PAWR: variants seen among roughly 807,000 people sequenced by gnomAD.
PAWR encodes the protein pro-apoptotic WT1 regulator, also known as PRKC apoptosis WT1 regulator protein.
Under a neutral mutation model 32.0 loss-of-function variants are expected in PAWR, and 23 were observed. That is an observed-to-expected ratio of 0.72 (90% CI 0.52 to 1.02). The LOEUF (loss-of-function observed/expected upper bound fraction) is 1.02, where lower values mean the gene tolerates loss of function less well. Among genes scored for constraint, PAWR ranks in the 50% least tolerant of loss-of-function variants. PAWR has a pLI of 0.00. For synonymous variants in PAWR, 226 were observed against 187.1 expected (o/e 1.21, Z -1.70); for missense variants, 457 against 437.7 (o/e 1.04, Z -0.39).
At chr12:79,677,630 C>A (rs1490180852) in intron 2 of PAWR, among the ~76,000 whole-genome samples, 1 of 152,086 alleles carries the variant, frequency 6.6e-6, no homozygotes, top group Non-Finnish European at 1.5e-5. Context: ...TATTTTATTT[C>A]AAATTTTCTG....
At chr12:79,679,471 C>T (rs990592294) in intron 2 of PAWR, among the ~76,000 whole-genome samples, 1 of 152,110 alleles carries the variant, frequency 6.6e-6, no homozygotes, top group African/African-American at 2.4e-5. Context: ...GAACAGTCAG[C>T]AGGTGAAAAT....
chr12:79,646,927 C>CA (rs1312410253), intron 2 of PAWR, among the ~76,000 whole-genome samples: 1 of 152,002 alleles, frequency 6.6e-6, no homozygotes, highest in East Asian at 1.9e-4. Context: ...CCTGTAATCC[C>CA]AGCACTTTGG....
chr12:79,654,404 C>T (rs1462934088), intron 2 of PAWR, among the ~76,000 whole-genome samples: 2 of 143,856 alleles, frequency 1.4e-5, no homozygotes, highest in African/African-American at 5.8e-5. Flanking sequence ...TTCTAACACA[C>T]TGGTTCAAAA....
At chr12:79,670,172 A>G (rs1018036812) in intron 2 of PAWR, among the ~76,000 whole-genome samples, 2 of 152,168 alleles carry the variant, frequency 1.3e-5, no homozygotes, top group African/African-American at 4.8e-5. Flanking sequence ...TTTTTCCCCC[A>G]TTTTAAAAAG....
chr12:79,639,868 CTATTCCTATTCCT>C lies in PAWR; in HGVS notation c.517-18674_517-18662del, dbSNP rs1214335315. Among the ~76,000 whole-genome samples, 133 of 104,764 alleles carry C rather than the reference CTATTCCTATTCCT, an allele frequency of 1.3e-3. 1 individual carries two copies. Among genetic ancestry groups the C allele is most frequent in the African/African-American group, 4.9e-3 (90 of 18,342 alleles). The allele number at this position is 104,764 out of a possible 152,430, so 68.7% of individuals were successfully genotyped here. A position where few individuals can be genotyped will look rare whatever the true frequency, so the allele number is the denominator to read the frequency against. ...CCTATTCCTATTCCTATTCCTATTC[CTATTCCTATTCCT>C]ATTCCATTCCATTCCATTCCATTCC... On this transcript the variant is annotated intron_variant, in intron 2 of 6. Transcript: ENST00000328827.
intron 4 of PAWR, among the ~76,000 whole-genome samples, chr12:79,611,695 A>G (rs1174745229): frequency 6.6e-6 from 1 of 152,098 alleles, no homozygotes; most frequent in Non-Finnish European, 1.5e-5. Flanking sequence ...TAAGATATTT[A>G]TAACAATATT....
intron 2 of PAWR, among the ~76,000 whole-genome samples, chr12:79,637,158 G>T (rs1875999686): frequency 6.6e-6 from 1 of 152,034 alleles, no homozygotes. Flanking sequence ...AAGCTTCTTG[G>T]GGAAAGAATT....
At chr12:79,650,714 TAAAAAAAAAA>T (rs34166197) in intron 2 of PAWR, among the ~76,000 whole-genome samples, 1 of 113,056 alleles carries the variant, frequency 8.8e-6, no homozygotes, top group Admixed American at 9.6e-5. Flanking sequence ...TAAAGGTTAT[TAAAAAAAAAA>T]AAAAAAAAAA....
In PAWR at chr12:79,689,616, A is replaced by G. The variant is rs8176807; in HGVS notation, c.516+113T>C. ...TGCCTGCCTAACTCGGTGAAGGGAC[A>G]AGTACGAGCCAGGGGAGGTAAACTC... On this transcript the variant is annotated intron_variant, in intron 2 of 6. Coordinates refer to ENST00000328827, the MANE Select transcript of PAWR (RefSeq NM_002583.4). 2.4e-5 allele frequency: 29 copies of G among 1,186,876 alleles called. 1 individual carries two copies. Among genetic ancestry groups the G allele is most frequent in the Admixed American group, 1.5e-4 (6 of 38,822 alleles). The allele number at this position is 1,186,876 out of a possible 1,614,324, so 73.5% of individuals were successfully genotyped here.
intron 2 of PAWR, among the ~76,000 whole-genome samples, chr12:79,683,464 C>T (rs1484535178): frequency 6.6e-6 from 1 of 152,120 alleles, no homozygotes; most frequent in Admixed American, 6.5e-5. Context: ...GATAACATCC[C>T]TAACCCAGAC....
chr12:79,682,290 T>C lies in PAWR; in HGVS notation c.516+7439A>G, dbSNP rs150252935. ...CCTTAGCTTCTCAAAGTGGTAGCATTAGAGGTGTGAGCTATGGCACCTGGC... is the reference window on the plus strand; with the variant it reads ...CCTTAGCTTCTCAAAGTGGTAGCATCAGAGGTGTGAGCTATGGCACCTGGC... On this transcript the variant is annotated intron_variant, in intron 2 of 6. Transcript: ENST00000328827. Among the ~76,000 whole-genome samples, 19 of 152,214 alleles carry C rather than the reference T, an allele frequency of 1.2e-4. No homozygotes were observed. In the East Asian group the frequency reaches 3.7e-3, roughly 29 times the overall value.
chr12:79,613,974 TATATA>T (rs1440319008), intron 3 of PAWR, among the ~76,000 whole-genome samples: 11 of 9,934 alleles, frequency 1.1e-3, no homozygotes, highest in African/African-American at 5.7e-3. Context: ...TATATATATA[TATATA>T]TTTTTTTTTT....
Position 79,607,423 on chromosome 12 carries a change from C to T in PAWR, c.683+6152G>A, listed in dbSNP as rs137941124. Among the ~76,000 whole-genome samples the T allele has an allele frequency of 4.1e-3, 626 of 152,176 alleles. 12 individuals are homozygous for T. Among genetic ancestry groups the T allele is most frequent in the African/African-American group, 0.014 (592 of 41,550 alleles). The stretch of plus-strand genomic sequence containing the variant: ...GTCGTCTTTAGTTTGGATTTCCCAC[C>T]GTTAAAGAATCTGGCTGATTTCTGG... On this transcript the variant is annotated intron_variant, in intron 4 of 6. Transcript: ENST00000328827.
chr12:79,649,201 T>C lies in PAWR; in HGVS notation c.517-27994A>G, dbSNP rs533868507. ...AAACTCAAGGATTGAACTAATACTT[T>C]GAAGCATCATAAACATGTTTTCCTT... is the stretch of plus-strand genomic sequence containing the variant. On this transcript the variant is annotated intron_variant, in intron 2 of 6. Coordinates refer to ENST00000328827, the MANE Select transcript of PAWR (RefSeq NM_002583.4). 1.8e-4 allele frequency among the ~76,000 whole-genome samples: 27 copies of C among 152,286 alleles called. No homozygotes were observed. In the South Asian group the frequency reaches 5.6e-3, roughly 32 times the overall value.
At chr12:79,599,681 A>T (rs1012632528) in intron 4 of PAWR, among the ~76,000 whole-genome samples, 7 of 152,212 alleles carry the variant, frequency 4.6e-5, no homozygotes, top group Non-Finnish European at 8.8e-5. Context: ...GCAGGATCTT[A>T]TTTGTCTGAG....
intron 4 of PAWR, chr12:79,604,500 T>G: frequency 8.7e-7 from 1 of 1,150,042 alleles, no homozygotes; most frequent in South Asian, 1.8e-5. Context: ...ATTATAAAGC[T>G]TAGCAATGAG....
At chr12:79,605,599 T>C (rs1481158135) in intron 4 of PAWR, among the ~76,000 whole-genome samples, 2 of 152,006 alleles carry the variant, frequency 1.3e-5, no homozygotes, top group African/African-American at 2.4e-5. Flanking sequence ...ACACAAAAAC[T>C]TGTACATGAA....
chr12:79,669,631 A>G (rs916309236), intron 2 of PAWR, among the ~76,000 whole-genome samples: 3 of 152,244 alleles, frequency 2.0e-5, no homozygotes, highest in Non-Finnish European at 4.4e-5. Context: ...AAAAAAAGAA[A>G]AAAATCAAAT....
At chr12:79,608,731 T>C (rs898794549) in intron 4 of PAWR, among the ~76,000 whole-genome samples, 1 of 152,150 alleles carries the variant, frequency 6.6e-6, no homozygotes, top group Non-Finnish European at 1.5e-5. Context: ...AATCACTGTG[T>C]TATGCAAAAA....
Sources: gnomAD v4.1 joint callset for allele counts (sites outside exome capture counted in the v4.1 genomes callset) on GRCh38, gnomAD v4.1.1 for gene constraint, MANE v1.5 for transcripts, NCBI Gene and HGNC (gene_info 2026-07-23, HGNC 2026-07-21) for gene names.